The following ARK2N variants were observed in gnomAD, a reference collection of about 807,000 sequenced individuals.
ARK2N encodes the protein arkadia (RNF111) N-terminal like PKA signaling regulator 2N.
chr18:46,215,898 A>C, the ARK2N span: 1 of 1,611,882 alleles, frequency 6.2e-7, no homozygotes, highest in Non-Finnish European at 8.5e-7. Context: ...TGGAGGAGGC[A>C]GTGGGAAAAG....
At chr18:46,195,155 T>G in the ARK2N span, among the ~76,000 whole-genome samples, 55 of 151,976 alleles carry the variant, frequency 3.6e-4, 1 homozygote, top group African/African-American at 1.2e-3. Flanking sequence ...TAATAATGAT[T>G]CCCTGTGTAC....
the ARK2N span, among the ~76,000 whole-genome samples, chr18:46,229,143 A>G: frequency 6.6e-6 from 1 of 152,088 alleles, no homozygotes; most frequent in South Asian, 2.1e-4. Context: ...AATCATATAT[A>G]TGAAAAATTT....
At chr18:46,206,286 A>G in the ARK2N span, among the ~76,000 whole-genome samples, 3 of 151,274 alleles carry the variant, frequency 2.0e-5, no homozygotes, top group African/African-American at 7.3e-5. Context: ...GAGTCTCACT[A>G]TGTTTCCCAG....
the ARK2N span, among the ~76,000 whole-genome samples, chr18:46,176,578 C>T: frequency 0.011 from 1,727 of 151,780 alleles, 60 homozygotes; most frequent in East Asian, 0.12. Flanking sequence ...CCTCAGCCTC[C>T]GAAGTAGCTG....
chr18:46,246,892 G>C, the ARK2N span, among the ~76,000 whole-genome samples: 3 of 146,538 alleles, frequency 2.0e-5, no homozygotes, highest in Middle Eastern at 3.3e-3. Flanking sequence ...AGTGAGCTGA[G>C]ATCACATCTT....
At chr18:46,254,896 C>G in the ARK2N span, among the ~76,000 whole-genome samples, 1 of 151,740 alleles carries the variant, frequency 6.6e-6, no homozygotes, top group Admixed American at 6.6e-5. Context: ...GCCGCACATG[C>G]ACACACCCAC....
chr18:46,214,542 T>C, the ARK2N span, among the ~76,000 whole-genome samples: 33 of 152,318 alleles, frequency 2.2e-4, no homozygotes, highest in Non-Finnish European at 2.2e-4. Flanking sequence ...TCATTTCACT[T>C]AAAGTCTCAG....
the ARK2N span, among the ~76,000 whole-genome samples, chr18:46,202,230 T>A: frequency 6.6e-6 from 1 of 152,190 alleles, no homozygotes; most frequent in Non-Finnish European, 1.5e-5. Context: ...AGGTACACTT[T>A]GAGTTTCTCT....
At chr18:46,241,330 C>T in the ARK2N span, among the ~76,000 whole-genome samples, 1 of 152,118 alleles carries the variant, frequency 6.6e-6, no homozygotes, top group African/African-American at 2.4e-5. Flanking sequence ...GTTGTTTCTC[C>T]TCTGGACTTC....
the ARK2N span, among the ~76,000 whole-genome samples, chr18:46,259,045 G>T: frequency 6.6e-6 from 1 of 151,666 alleles, no homozygotes; most frequent in Non-Finnish European, 1.5e-5. Context: ...TAAAAGCCTT[G>T]TTCTGTCCTC....
At chr18:46,197,798 A>C in the ARK2N span, among the ~76,000 whole-genome samples, 3 of 152,334 alleles carry the variant, frequency 2.0e-5, no homozygotes, top group Admixed American at 6.5e-5. Context: ...CATTTCTGAA[A>C]TCCAGGAGGA....
chr18:46,203,916 T>C, the ARK2N span, among the ~76,000 whole-genome samples: 1 of 152,268 alleles, frequency 6.6e-6, no homozygotes, highest in African/African-American at 2.4e-5. Flanking sequence ...ACTGATTTGA[T>C]TTAAAGAGCA....
chr18:46,228,830 C>G, the ARK2N span: 1 of 398,472 alleles, frequency 2.5e-6, no homozygotes, highest in Non-Finnish European at 4.4e-6. Context: ...CTTGGCCTCT[C>G]AAAGTGCTGA....
chr18:46,249,242 T>G, the ARK2N span, among the ~76,000 whole-genome samples: 10 of 152,082 alleles, frequency 6.6e-5, no homozygotes, highest in South Asian at 2.1e-4. Context: ...TTTTTTTACT[T>G]TTTTTGAGAC....
chr18:46,214,870 G>A, the ARK2N span, among the ~76,000 whole-genome samples: 1 of 152,184 alleles, frequency 6.6e-6, no homozygotes, highest in Non-Finnish European at 1.5e-5. Flanking sequence ...AGCTAGGTAG[G>A]ATTGAGGAAG....
chr18:46,182,595 T>A, the ARK2N span, among the ~76,000 whole-genome samples: 2 of 151,700 alleles, frequency 1.3e-5, no homozygotes, highest in African/African-American at 4.8e-5. Context: ...AAATTATTTT[T>A]AAAAATTAAA....
chr18:46,266,155 T>C, the ARK2N span: 1 of 152,272 alleles, frequency 6.6e-6, no homozygotes, highest in South Asian at 2.1e-4. Flanking sequence ...ATTATGAATA[T>C]GAATTGTCTG....
chr18:46,237,015 A>G, the ARK2N span, among the ~76,000 whole-genome samples: 1 of 151,712 alleles, frequency 6.6e-6, no homozygotes, highest in East Asian at 1.9e-4. Flanking sequence ...GGCACGCACC[A>G]CCACACCCGG....
At chr18:46,256,018 C>G in the ARK2N span, among the ~76,000 whole-genome samples, 2 of 151,972 alleles carry the variant, frequency 1.3e-5, no homozygotes, top group African/African-American at 4.8e-5. Context: ...CCTTTTAAGC[C>G]CCATGTCAGG....
Sources: allele counts gnomAD v4.1 joint callset (sites outside exome capture counted in the v4.1 genomes callset), GRCh38; gene constraint gnomAD v4.1.1; transcripts MANE v1.5; gene names NCBI Gene and HGNC (gene_info 2026-07-23, HGNC 2026-07-21).